CHCHD6: variants seen among roughly 807,000 people sequenced by gnomAD.
The protein encoded by CHCHD6 is coiled-coil-helix-coiled-coil-helix domain containing 6, also known as MICOS complex subunit MIC25.
CHCHD6 carries 28 observed loss-of-function variants against 32.3 expected under a neutral mutation model. The observed-to-expected ratio is 0.87, with a 90% CI of 0.64 to 1.19. The LOEUF (loss-of-function observed/expected upper bound fraction) is 1.19, where lower values mean the gene tolerates loss of function less well. CHCHD6 is among the 50% of genes most tolerant of loss of function. CHCHD6 has a pLI of 0.00. For missense variants in CHCHD6, 333 were observed against 307.0 expected (o/e 1.08, Z -0.63); for synonymous variants, 122 against 117.5 (o/e 1.04, Z -0.25).
intron 4 of CHCHD6, among the ~76,000 whole-genome samples, chr3:126,765,941 C>T (rs1267144959): frequency 6.6e-6 from 1 of 152,234 alleles, no homozygotes. Flanking sequence ...GACCCGGATG[C>T]TTCCAAAGCA....
rs1024070322 is a variant in CHCHD6 at position 126,837,694 on chromosome 3, C to T, written c.412-14953C>T. 5.3e-5 allele frequency among the ~76,000 whole-genome samples: 8 copies of T among 152,216 alleles called. No individual in the cohort carries two copies. The Middle Eastern group carries it at 0.024, about 453-fold the overall frequency. ...TCACTGTTGCTTTTATAGATTCATG[C>T]CTGGTTGTTTCATGAGGTGTCACTG... On this transcript the variant is annotated intron_variant, in intron 4 of 7. Transcript: ENST00000290913.
At chr3:126,835,331 C>T (rs145777565) in intron 4 of CHCHD6, among the ~76,000 whole-genome samples, 49 of 152,348 alleles carry the variant, frequency 3.2e-4, no homozygotes, top group Non-Finnish European at 3.7e-4. Flanking sequence ...GACGTCGTTA[C>T]GGGCTGAGGG....
rs570558956 is a variant in CHCHD6, at chr3:126,894,702, C to T, written c.496-19978C>T. ...AGCACCCAGCAGACGGAGCAGGAGGCTGGTGAAGGGGTGGTGTTGGGCACA... is the reference window on the plus strand; with the variant it reads ...AGCACCCAGCAGACGGAGCAGGAGGTTGGTGAAGGGGTGGTGTTGGGCACA... On this transcript the variant is annotated intron_variant, in intron 5 of 7. Transcript: ENST00000290913. 3.2e-3 allele frequency among the ~76,000 whole-genome samples: 480 copies of T among 152,226 alleles called. 2 individuals are homozygous for T. The highest frequency in any genetic ancestry group is 4.6e-3 in the Non-Finnish European group (315 of 68,012).
intron 6 of CHCHD6, among the ~76,000 whole-genome samples, chr3:126,936,772 C>T (rs56252744): frequency 0.019 from 2,919 of 152,250 alleles, 47 homozygotes; most frequent in Middle Eastern, 0.058. Context: ...CCAGGCTGGT[C>T]GCGAACACCT....
chr3:126,798,090 T>G lies in CHCHD6; in HGVS notation c.412-54557T>G, dbSNP rs77900432. ...TTGCTTCACAGTTTGAAGCACAGAA[T>G]TATAACAGAGGGGTGGCAGGAGGGA... On this transcript the variant is annotated intron_variant, in intron 4 of 7. Transcript: ENST00000290913. Among the ~76,000 whole-genome samples, 758 of 152,242 alleles carry G rather than the reference T, an allele frequency of 5.0e-3. 14 individuals carry two copies. The highest frequency in any genetic ancestry group is 0.034 in the Admixed American group (522 of 15,290).
chr3:126,753,076 C>G (rs1936796954), intron 4 of CHCHD6, among the ~76,000 whole-genome samples: 1 of 152,154 alleles, frequency 6.6e-6, no homozygotes, highest in South Asian at 2.1e-4. Flanking sequence ...CTCTTGGTAG[C>G]TGGTGGCACC....
At chr3:126,959,783 G>A (rs911136669) in intron 7 of CHCHD6, among the ~76,000 whole-genome samples, 1 of 152,226 alleles carries the variant, frequency 6.6e-6, no homozygotes, top group Admixed American at 6.5e-5. Flanking sequence ...ATCCCAGCAG[G>A]CTCCTGCTGA....
chr3:126,919,767 T>G (rs1338990743), intron 6 of CHCHD6, among the ~76,000 whole-genome samples: 2 of 152,078 alleles, frequency 1.3e-5, no homozygotes, highest in Non-Finnish European at 2.9e-5. Flanking sequence ...CTTGATTTTT[T>G]TTTTCCTTGA....
chr3:126,801,814 C>G (rs1939090342), intron 4 of CHCHD6, among the ~76,000 whole-genome samples: 1 of 152,236 alleles, frequency 6.6e-6, no homozygotes, highest in Non-Finnish European at 1.5e-5. Flanking sequence ...AGGCAACCCC[C>G]AGTAGGGGCA....
chr3:126,838,475 G>A lies in CHCHD6; in HGVS notation c.412-14172G>A, dbSNP rs1369520973. 1.3e-5 allele frequency among the ~76,000 whole-genome samples: 2 copies of A among 152,314 alleles called. 1 individual carries two copies. The highest frequency in any genetic ancestry group is 3.9e-4 in the East Asian group (2 of 5,178). Reference sequence around the variant, plus strand: ...GCTCTGCCCCTCCTCACTCTTCCAGGCTTGGGCCTCAGCAGGACCCATTTG... The same window carrying A: ...GCTCTGCCCCTCCTCACTCTTCCAGACTTGGGCCTCAGCAGGACCCATTTG... On this transcript the variant is annotated intron_variant, in intron 4 of 7. Transcript: ENST00000290913.
At chr3:126,800,812 A>G (rs1939027196) in intron 4 of CHCHD6, among the ~76,000 whole-genome samples, 1 of 152,206 alleles carries the variant, frequency 6.6e-6, no homozygotes, top group Non-Finnish European at 1.5e-5. Flanking sequence ...CCACAGCCCT[A>G]CAGGAGATTA....
intron 7 of CHCHD6, among the ~76,000 whole-genome samples, chr3:126,958,389 TCTC>T (rs1339410797): frequency 6.6e-6 from 1 of 152,062 alleles, no homozygotes; most frequent in Non-Finnish European, 1.5e-5. Flanking sequence ...CAGGACGAGG[TCTC>T]CTTTCCCACG....
chr3:126,774,141 A>G (rs2107678260), intron 4 of CHCHD6, among the ~76,000 whole-genome samples: 1 of 152,370 alleles, frequency 6.6e-6, no homozygotes, highest in Admixed American at 6.5e-5. Flanking sequence ...ATTTTAAAAT[A>G]TAACTTATTG....
chr3:126,750,754 C>A (rs1936689742), intron 4 of CHCHD6, among the ~76,000 whole-genome samples: 1 of 152,250 alleles, frequency 6.6e-6, no homozygotes, highest in East Asian at 1.9e-4. Context: ...GCCTGAACTT[C>A]CTTGTTTCCC....
intron 5 of CHCHD6, among the ~76,000 whole-genome samples, chr3:126,854,107 C>T (rs1941569248): frequency 1.3e-5 from 2 of 152,140 alleles, no homozygotes. Flanking sequence ...TTGTCATTCT[C>T]CCCTCTCATC....
intron 6 of CHCHD6, among the ~76,000 whole-genome samples, chr3:126,945,498 A>T (rs999339939): frequency 7.0e-6 from 1 of 143,806 alleles, no homozygotes. Flanking sequence ...TCTAGGTGGG[A>T]GACTCAGGGG....
rs72978856 is a variant in CHCHD6 at position 126,816,230 on chromosome 3, G to A, written c.412-36417G>A. ...TCCCTTAGCATCAGTGTCAAACTGT[G>A]TGCTTGGGAATGTCAGGGGAATGAT... On this transcript the variant is annotated intron_variant, in intron 4 of 7. Coordinates refer to ENST00000290913, the MANE Select transcript of CHCHD6 (RefSeq NM_032343.3). Among the ~76,000 whole-genome samples, 388 of 152,278 alleles carry A rather than the reference G, an allele frequency of 2.5e-3. 1 individual carries two copies. The highest frequency in any genetic ancestry group is 8.9e-3 in the African/African-American group (371 of 41,572).
At chr3:126,889,146 G>A (rs2077718877) in intron 5 of CHCHD6, among the ~76,000 whole-genome samples, 2 of 152,196 alleles carry the variant, frequency 1.3e-5, no homozygotes, top group South Asian at 4.1e-4. Context: ...GTGGTGTCGG[G>A]GTGGACTAGA....
At chr3:126,741,829 G>T (rs1216395663) in intron 4 of CHCHD6, among the ~76,000 whole-genome samples, 1 of 152,176 alleles carries the variant, frequency 6.6e-6, no homozygotes, top group Non-Finnish European at 1.5e-5. Flanking sequence ...CCCCAGGGAT[G>T]TGAAGTGTTC....
Sources: allele counts gnomAD v4.1 joint callset (sites outside exome capture counted in the v4.1 genomes callset), GRCh38; gene constraint gnomAD v4.1.1; transcripts MANE v1.5; gene names NCBI Gene and HGNC (gene_info 2026-07-23, HGNC 2026-07-21).